The following NCAM2 variants were observed in gnomAD, a reference collection of about 807,000 sequenced individuals.
The protein encoded by NCAM2 is N-CAM-2.
Under a neutral mutation model 98.1 loss-of-function variants are expected in NCAM2, and 30 were observed. That is an observed-to-expected ratio of 0.31 (90% confidence interval 0.23 to 0.41). NCAM2 has a LOEUF of 0.41. NCAM2 is among the 10% of genes least tolerant of loss of function. The pLI is 1.00. For missense variants in NCAM2, 867 were observed against 1,005.8 expected, an observed-to-expected ratio of 0.86 and a Z score of 1.87; for synonymous variants, 368 against 342.4, an observed-to-expected ratio of 1.07 and a Z score of -0.83.
intron 1 of NCAM2, among the ~76,000 whole-genome samples, chr21:21,279,435 T>C (rs2072847752): frequency 6.6e-6 from 1 of 152,160 alleles, no homozygotes. Flanking sequence ...CTCGGCTCAC[T>C]GCAACCTCCG....
At chr21:21,502,195 A>G (rs1232729696) in intron 15 of NCAM2, among the ~76,000 whole-genome samples, 2 of 151,916 alleles carry the variant, frequency 1.3e-5, no homozygotes, top group African/African-American at 4.8e-5. Flanking sequence ...CTCAAAGAAG[A>G]TACTTTTGGG....
At chr21:21,326,401 G>A (rs1418166319) in intron 6 of NCAM2, among the ~76,000 whole-genome samples, 1 of 152,132 alleles carries the variant, frequency 6.6e-6, no homozygotes, top group Non-Finnish European at 1.5e-5. Context: ...GTAATTGTGA[G>A]ACTAGATGCT....
chr21:21,510,973 C>T (rs1315157028), intron 16 of NCAM2, among the ~76,000 whole-genome samples: 1 of 151,938 alleles, frequency 6.6e-6, no homozygotes, highest in African/African-American at 2.4e-5. Context: ...CCATAGATTA[C>T]TTTTTCCTGT....
In NCAM2 at chr21:21,121,514, CTAATTATGAAGG is replaced by C. The variant is rs564340473; in HGVS notation, c.55+122900_55+122911del. On this transcript the variant is annotated intron_variant, in intron 1 of 17. Transcript: ENST00000400546. ...TGTATGAATGACTTTGAATTGGGCT[CTAATTATGAAGG>C]TAAAGCTATAAGGGTTTATTCTTCC... is the stretch of plus-strand genomic sequence containing the variant. Among the ~76,000 whole-genome samples, 271 of 152,236 alleles carry C rather than the reference CTAATTATGAAGG, an allele frequency of 1.8e-3. No individual in the cohort carries two copies. In the Middle Eastern group the frequency reaches 0.02, roughly 11 times the overall value.
chr21:21,119,569 TCA>T (rs1491225598), intron 1 of NCAM2, among the ~76,000 whole-genome samples: 1 of 152,210 alleles, frequency 6.6e-6, no homozygotes, highest in African/African-American at 2.4e-5. Context: ...AGAAAATGTA[TCA>T]ACTAATTATA....
At chr21:21,296,122 AAC>A (rs1318046073) in intron 5 of NCAM2, among the ~76,000 whole-genome samples, 5 of 151,876 alleles carry the variant, frequency 3.3e-5, no homozygotes, top group Non-Finnish European at 7.4e-5. Flanking sequence ...TAAAAGGCCT[AAC>A]ACAGCATCAT....
intron 10 of NCAM2, 148 bp from the exon 11 acceptor site, chr21:21,418,325 G>A (rs2077035999): frequency 1.6e-6 from 1 of 613,760 alleles, no homozygotes; most frequent in Admixed American, 2.9e-5. Flanking sequence ...ATTTAGTAAT[G>A]CTTACTTAAT....
intron 1 of NCAM2, among the ~76,000 whole-genome samples, chr21:21,273,190 C>CT (rs1056032986): frequency 2.0e-5 from 3 of 152,070 alleles, no homozygotes; most frequent in African/African-American, 7.2e-5. Flanking sequence ...CTTCTCATCT[C>CT]TAAAACAAGA....
At chr21:21,027,918 A>G (rs147777445) in intron 1 of NCAM2, among the ~76,000 whole-genome samples, 1,807 of 149,494 alleles carry the variant, frequency 0.012, 30 homozygotes, top group African/African-American at 0.042. Context: ...GTGCGGTGGC[A>G]CGATCTCGGC....
chr21:21,012,382 G>A (rs189642196), intron 1 of NCAM2, among the ~76,000 whole-genome samples: 15 of 152,206 alleles, frequency 9.9e-5, no homozygotes, highest in East Asian at 3.9e-4. Flanking sequence ...TTAGTAAGCC[G>A]TCAGTCTGTG....
At chr21:21,087,472 A>T (rs1166828260) in intron 1 of NCAM2, among the ~76,000 whole-genome samples, 4 of 152,104 alleles carry the variant, frequency 2.6e-5, no homozygotes, top group Non-Finnish European at 5.9e-5. Flanking sequence ...GGTTCTGATA[A>T]CCTGTTCTCC....
chr21:21,516,987 G>T (rs1010805610), intron 16 of NCAM2, among the ~76,000 whole-genome samples: 1 of 152,004 alleles, frequency 6.6e-6, no homozygotes, highest in South Asian at 2.1e-4. Context: ...AAATGTCTGC[G>T]TCTGGTCCTT....
chr21:21,001,725 A>G (rs2064022043), intron 1 of NCAM2, among the ~76,000 whole-genome samples: 1 of 152,240 alleles, frequency 6.6e-6, no homozygotes, highest in Admixed American at 6.5e-5. Context: ...TAAAGTAAGA[A>G]TAATGCTATT....
intron 1 of NCAM2, among the ~76,000 whole-genome samples, chr21:21,149,573 C>T (rs2067385850): frequency 6.6e-6 from 1 of 151,896 alleles, no homozygotes; most frequent in Non-Finnish European, 1.5e-5. Flanking sequence ...CCTTGCCCCC[C>T]ACCCCCCGAC....
chr21:21,039,173 A>G (rs2064854625), intron 1 of NCAM2, among the ~76,000 whole-genome samples: 1 of 151,884 alleles, frequency 6.6e-6, no homozygotes, highest in Non-Finnish European at 1.5e-5. Context: ...CCATTAACCA[A>G]CCTCTCTTTA....
chr21:21,394,754 T>C (rs985161782), intron 9 of NCAM2, among the ~76,000 whole-genome samples: 16 of 151,924 alleles, frequency 1.1e-4, no homozygotes, highest in African/African-American at 3.4e-4. Flanking sequence ...CCCAAAGTGC[T>C]GGGCCAGCTT....
intron 1 of NCAM2, among the ~76,000 whole-genome samples, chr21:21,219,417 A>G (rs1471153059): frequency 6.6e-6 from 1 of 152,210 alleles, no homozygotes; most frequent in East Asian, 1.9e-4. Context: ...TTAGTCAACC[A>G]TGGACTGCGT....
At chr21:21,333,420 G>T (rs924545365) in intron 6 of NCAM2, among the ~76,000 whole-genome samples, 1 of 152,016 alleles carries the variant, frequency 6.6e-6, no homozygotes, top group East Asian at 1.9e-4. Flanking sequence ...ATCACCTCCT[G>T]CTCAAAAAAG....
At chr21:21,134,364 CT>C (rs2066999165) in intron 1 of NCAM2, among the ~76,000 whole-genome samples, 1 of 152,124 alleles carries the variant, frequency 6.6e-6, no homozygotes, top group South Asian at 2.1e-4. Flanking sequence ...GCCACTGTGC[CT>C]GGCCAGCACT....
Sources: gnomAD v4.1 joint callset for allele counts (sites outside exome capture counted in the v4.1 genomes callset) on GRCh38, gnomAD v4.1.1 for gene constraint, MANE v1.5 for transcripts, NCBI Gene and HGNC (gene_info 2026-07-23, HGNC 2026-07-21) for gene names.